TNPO3: variants seen among roughly 807,000 people sequenced by gnomAD.
TNPO3 encodes the protein transportin-3.
TNPO3 carries 65 observed loss-of-function variants against 122.8 expected under a neutral mutation model. The ratio of observed to expected loss-of-function variants is 0.53; its 90% CI spans 0.43 to 0.65. TNPO3 has a LOEUF of 0.65. Ranked by LOEUF, TNPO3 falls within the 30% of genes least tolerant of loss-of-function variation. TNPO3 has a pLI of 0.00. For missense variants in TNPO3, 850 were observed against 1,136.7 expected (o/e 0.75, Z 3.63); for synonymous variants, 372 against 411.2 (o/e 0.90, Z 1.15).
intron 1 of TNPO3, among the ~76,000 whole-genome samples, chr7:129,038,667 T>C (rs1016599376): frequency 5.3e-5 from 8 of 152,110 alleles, no homozygotes; most frequent in Admixed American, 3.9e-4. Flanking sequence ...AAGAATGAAA[T>C]CATGTCCTCT....
chr7:129,043,238 A>AG (rs1401612500), intron 1 of TNPO3, among the ~76,000 whole-genome samples: 7 of 151,226 alleles, frequency 4.6e-5, no homozygotes, highest in African/African-American at 1.7e-4. Flanking sequence ...CAGTCTTTAC[A>AG]GGAAAAAAAA....
chr7:128,997,851 T>C (rs990213937), intron 7 of TNPO3, among the ~76,000 whole-genome samples: 4 of 152,126 alleles, frequency 2.6e-5, no homozygotes, highest in Non-Finnish European at 5.9e-5. Context: ...TTTATTTATT[T>C]TTTAGAGACG....
At chr7:129,050,401 A>AAG (rs1554445189) in intron 1 of TNPO3, among the ~76,000 whole-genome samples, 170 of 80,590 alleles carry the variant, frequency 2.1e-3, no homozygotes, top group Middle Eastern at 6.3e-3. Flanking sequence ...AAAAAAAAAA[A>AAG]GGGTGGGGGG....
rs983345752 is a variant in TNPO3 at position 128,997,457 on chromosome 7, T to C, written c.1090A>G (p.Ile364Val). 2 of 1,614,204 alleles carry C rather than the reference T, an allele frequency of 1.2e-6. No homozygotes were observed. The highest frequency in any genetic ancestry group is 1.1e-5 in the South Asian group (1 of 91,082). The change falls in exon 8 of 23, where the codon ATC becomes GTC. Residue 364 changes from isoleucine to valine, a missense_variant. Physicochemically the swap from Ile to Val is conservative, Grantham distance 29 (BLOSUM62 3). Coordinates refer to ENST00000265388, the MANE Select transcript of TNPO3 (RefSeq NM_012470.4). The stretch of plus-strand genomic sequence containing the variant: ...AGCCTCTGAATGTAAGCTTTGAAGA[T>C]GCCATGAATAACTTCATCGTTAGTT... Reference protein sequence around the residue: ...YKTNDEVIHGIFKAYIQRLLH... With the variant: ...YKTNDEVIHGVFKAYIQRLLH...
At position 128,970,264 on chromosome 7, in the gene TNPO3, G is replaced by A; in HGVS notation, c.2482C>T (p.Gln828Ter). 1 of 1,613,090 alleles carries A rather than the reference G, an allele frequency of 6.2e-7. No homozygotes were observed. Among genetic ancestry groups the A allele is most frequent in the Non-Finnish European group, 8.5e-7 (1 of 1,179,492 alleles). Residue 828 changes from glutamine (Q) to a stop codon, truncating the protein, a stop_gained, in exon 20 of 23, where the codon CAG becomes TAG. Coordinates refer to ENST00000265388, the MANE Select transcript of TNPO3 (RefSeq NM_012470.4). LOFTEE classifies it high-confidence loss of function. ...RKELIGQVMN[Q>*]LGQQLVSQLL... ...TGGCTGACAAGCTGCTGTCCAAGCT[G>A]GTTCATCACCTGTCCAATCAGTTCT...
chr7:129,042,702 T>G (rs1255568268), intron 1 of TNPO3, among the ~76,000 whole-genome samples: 2 of 151,962 alleles, frequency 1.3e-5, no homozygotes, highest in African/African-American at 2.4e-5. Context: ...GGATACTAAT[T>G]AAGAAAAAAA....
intron 11 of TNPO3, among the ~76,000 whole-genome samples, chr7:128,988,889 C>A (rs1014194071): frequency 1.3e-5 from 2 of 151,900 alleles, no homozygotes; most frequent in African/African-American, 4.8e-5. Flanking sequence ...GACCAGCCTG[C>A]CCAACATAGC....
chr7:129,042,201 A>G (rs1421579615), intron 1 of TNPO3, among the ~76,000 whole-genome samples: 3 of 152,228 alleles, frequency 2.0e-5, no homozygotes, highest in Admixed American at 2.0e-4. Flanking sequence ...AAAGTTCTGG[A>G]AATACAGATA....
intron 21 of TNPO3, among the ~76,000 whole-genome samples, chr7:128,961,024 G>A (rs533825122): frequency 6.6e-6 from 1 of 152,256 alleles, no homozygotes; most frequent in Non-Finnish European, 1.5e-5. Flanking sequence ...GCCTCCCAAA[G>A]TGCTGGGATT....
At chr7:129,010,470 TA>T (rs1803064288) in intron 4 of TNPO3, among the ~76,000 whole-genome samples, 1 of 152,150 alleles carries the variant, frequency 6.6e-6, no homozygotes, top group Admixed American at 6.5e-5. Context: ...GCCTGGCCCA[TA>T]ATGAAATTAT....
At chr7:128,981,875 C>T (rs567102646) in intron 14 of TNPO3, among the ~76,000 whole-genome samples, 25 of 152,142 alleles carry the variant, frequency 1.6e-4, no homozygotes, top group African/African-American at 5.5e-4. Context: ...ACCACAGGCC[C>T]ATGCCACCAT....
chr7:129,023,653 C>A (rs1313579333), intron 1 of TNPO3, among the ~76,000 whole-genome samples: 1 of 152,128 alleles, frequency 6.6e-6, no homozygotes, highest in Non-Finnish European at 1.5e-5. Flanking sequence ...ATTTAGGATT[C>A]AGCAAGGGAT....
At chr7:128,998,458 A>G (rs976550887) in intron 7 of TNPO3, among the ~76,000 whole-genome samples, 1 of 152,054 alleles carries the variant, frequency 6.6e-6, no homozygotes, top group Non-Finnish European at 1.5e-5. Context: ...GGGCTCAAGC[A>G]ATCCTTCCAC....
At chr7:129,046,927 AC>A (rs1808125666) in intron 1 of TNPO3, among the ~76,000 whole-genome samples, 1 of 152,184 alleles carries the variant, frequency 6.6e-6, no homozygotes, top group African/African-American at 2.4e-5. Flanking sequence ...ACCTGGCCCC[AC>A]CTTGCCACAA....
chr7:128,963,661 T>A (rs190516591), intron 21 of TNPO3, among the ~76,000 whole-genome samples: 1 of 152,252 alleles, frequency 6.6e-6, no homozygotes, highest in Non-Finnish European at 1.5e-5. Context: ...CTTAAGCCAC[T>A]TAGTGAACTA....
At chr7:128,973,757 A>AG (rs1798742969) in intron 18 of TNPO3, among the ~76,000 whole-genome samples, 2 of 145,930 alleles carry the variant, frequency 1.4e-5, no homozygotes, top group Non-Finnish European at 3.0e-5. Flanking sequence ...AAAAAAAAAA[A>AG]AAAAAGAAAA....
At chr7:128,974,767 G>C (rs1798887397) in intron 18 of TNPO3, 101 bp downstream of exon 18, 1 of 971,448 alleles carries the variant, frequency 1.0e-6, no homozygotes, top group Non-Finnish European at 1.6e-6. Flanking sequence ...ACTTACTCCA[G>C]TGACTTCATT....
chr7:129,054,957 T>G lies in TNPO3; in HGVS notation c.-187A>C. On this transcript the variant is annotated 5_prime_UTR_variant, in exon 1 of 23. Transcript: ENST00000265388. ...AAGTTGCCCCCTCGGAAACAGCTATTAGGTCGTATTCAGGTTCCTGGCCTT... is the reference window on the plus strand; with the variant it reads ...AAGTTGCCCCCTCGGAAACAGCTATGAGGTCGTATTCAGGTTCCTGGCCTT... The G allele has an allele frequency of 1.5e-6, 1 of 679,818 alleles. No individual in the cohort carries two copies. Among genetic ancestry groups the G allele is most frequent in the Non-Finnish European group, 2.4e-6 (1 of 410,626 alleles). 42.1% of individuals were successfully genotyped at this position (679,818 alleles called of 1,614,324 possible).
At chr7:128,993,041 C>T (rs1468085381) in intron 9 of TNPO3, among the ~76,000 whole-genome samples, 1 of 151,402 alleles carries the variant, frequency 6.6e-6, no homozygotes, top group Admixed American at 6.6e-5. Flanking sequence ...GGTCAATAAG[C>T]ATGCTTTGCT....
Sources: gnomAD v4.1 joint callset for allele counts (sites outside exome capture counted in the v4.1 genomes callset) on GRCh38, gnomAD v4.1.1 for gene constraint, MANE v1.5 for transcripts, NCBI Gene and HGNC (gene_info 2026-07-23, HGNC 2026-07-21) for gene names.